Variants in TBC1D9 observed in about 807,000 individuals in gnomAD.
The protein encoded by TBC1D9 is TBC1 domain family member 9.
TBC1D9 carries 63 observed loss-of-function variants against 132.0 expected under a neutral mutation model. That is an observed-to-expected ratio of 0.48 (90% CI 0.39 to 0.59). The LOEUF (loss-of-function observed/expected upper bound fraction) is 0.59, where lower values mean the gene tolerates loss of function less well. Among genes scored for constraint, TBC1D9 ranks in the 20% least tolerant of loss-of-function variants. The probability of loss-of-function intolerance (pLI) is 0.00; values close to 1 mark genes in which losing one functional copy is unlikely to be tolerated. For missense variants in TBC1D9, 1,261 were observed against 1,592.7 expected (o/e 0.79, Z 3.54); for synonymous variants, 610 against 609.9 (o/e 1.00, Z 0.00).
chr4:140,657,808 T>A lies in TBC1D9; in HGVS notation c.1926A>T (p.Ala642=), dbSNP rs1190797006. ...PDYYNTRVVG[A]LVDQGVFEEL... is the part of the protein sequence containing the mutation. ...CCTCAAAGACACCTTGGTCCACCAG[T>A]GCACCTGTGGCAGCGATGTATACAA... The change falls in exon 12 of 21, where the codon GCA becomes GCT. Residue 642 remains alanine, a synonymous_variant. Coordinates refer to ENST00000442267, the MANE Select transcript of TBC1D9 (RefSeq NM_015130.3). 1 of 1,611,004 alleles carries A rather than the reference T, an allele frequency of 6.2e-7. No homozygotes were observed. Among genetic ancestry groups the A allele is most frequent in the African/African-American group, 1.3e-5 (1 of 74,960 alleles).
At chr4:140,648,867 C>T (rs544184773) in intron 13 of TBC1D9, among the ~76,000 whole-genome samples, 1 of 152,164 alleles carries the variant, frequency 6.6e-6, no homozygotes, top group South Asian at 2.1e-4. Flanking sequence ...TCAGATAAAG[C>T]AATGAGGTAG....
chr4:140,643,579 G>T, intron 13 of TBC1D9: 1 of 880,854 alleles, frequency 1.1e-6, no homozygotes, highest in Non-Finnish European at 1.7e-6. Context: ...GGCTCGCTCA[G>T]GGCCGCCTGG....
At chr4:140,741,846 T>G (rs887268189) in intron 1 of TBC1D9, among the ~76,000 whole-genome samples, 1 of 152,226 alleles carries the variant, frequency 6.6e-6, no homozygotes, top group African/African-American at 2.4e-5. Context: ...AACTCCTTTC[T>G]ATTGATTCCA....
chr4:140,697,586 G>T (rs1042645197), intron 2 of TBC1D9, among the ~76,000 whole-genome samples: 1 of 152,132 alleles, frequency 6.6e-6, no homozygotes, highest in Admixed American at 6.5e-5. Flanking sequence ...CATCTCTTTG[G>T]ACAATAATTT....
chr4:140,723,641 C>T (rs1283956757), intron 1 of TBC1D9, among the ~76,000 whole-genome samples: 1 of 152,002 alleles, frequency 6.6e-6, no homozygotes, highest in Non-Finnish European at 1.5e-5. Flanking sequence ...GCCTACTTCC[C>T]AGTCTTTAAC....
chr4:140,635,107 G>T lies in TBC1D9; in HGVS notation c.2506-919C>A, dbSNP rs181154806. On this transcript the variant is annotated intron_variant, in intron 15 of 20. Coordinates refer to ENST00000442267, the MANE Select transcript of TBC1D9 (RefSeq NM_015130.3). ...GAGAAAGGAGGAGCATAAAAAGGAG[G>T]ACTTCGTTTTTACTTTTTCCATATT... is the stretch of plus-strand genomic sequence containing the variant. Among the ~76,000 whole-genome samples the T allele has an allele frequency of 9.9e-5, 15 of 152,102 alleles. No individual in the cohort carries two copies. The East Asian group carries it at 2.7e-3, about 27-fold the overall frequency.
At chr4:140,680,839 T>G (rs1337044688) in intron 3 of TBC1D9, among the ~76,000 whole-genome samples, 1 of 152,184 alleles carries the variant, frequency 6.6e-6, no homozygotes, top group African/African-American at 2.4e-5. Flanking sequence ...TAGTGCATCC[T>G]TGATGCTCCC....
intron 13 of TBC1D9, chr4:140,642,275 G>C (rs1737013603): frequency 1.4e-6 from 1 of 707,240 alleles, no homozygotes; most frequent in African/African-American, 1.8e-5. Context: ...TGCTCACTTC[G>C]GAGGCAAACG....
chr4:140,624,628 T>G (rs548403311), intron 18 of TBC1D9, among the ~76,000 whole-genome samples: 2 of 152,368 alleles, frequency 1.3e-5, no homozygotes, highest in South Asian at 4.1e-4. Context: ...ATACTTATAC[T>G]AAGAAAATTA....
Position 140,622,221 on chromosome 4 carries a change from A to T in TBC1D9, c.3775T>A (p.Tyr1259Asn). ...MGKPLTSASDYEISAMSG is the reference protein window; with the variant it reads ...MGKPLTSASDNEISAMSG The stretch of plus-strand genomic sequence containing the variant: ...CAGCCGGACATGGCCGAGATTTCAT[A>T]GTCACTGGCCGAGGTGAGGGGCTTG... Residue 1259 changes from tyrosine (Y) to asparagine (N), a missense_variant, in exon 21 of 21, where the codon TAT (tyrosine) becomes AAT (asparagine). Coordinates refer to ENST00000442267, the MANE Select transcript of TBC1D9 (RefSeq NM_015130.3). The T allele has an allele frequency of 6.3e-7, 1 of 1,586,988 alleles. No homozygotes were observed. The highest frequency in any genetic ancestry group is 8.6e-7 in the Non-Finnish European group (1 of 1,157,976).
chr4:140,715,200 G>A (rs966547400), intron 1 of TBC1D9, among the ~76,000 whole-genome samples: 1 of 152,098 alleles, frequency 6.6e-6, no homozygotes, highest in African/African-American at 2.4e-5. Context: ...TATTAATACT[G>A]GTCAGTTGTG....
At position 140,687,341 on chromosome 4, in the gene TBC1D9, G is replaced by C. The variant is rs1317733642; in HGVS notation, c.242-879C>G. On this transcript the variant is annotated intron_variant, in intron 2 of 20. Transcript: ENST00000442267. ...TATATATGTGTGTGTGTGTGTGTGT[G>C]TCATATATATATATATATATATATA... Among the ~76,000 whole-genome samples, 5 of 91,068 alleles carry C rather than the reference G, an allele frequency of 5.5e-5. No homozygotes were observed. In the South Asian group the frequency reaches 1.4e-3, roughly 25 times the overall value. 59.7% of individuals were successfully genotyped at this position (91,068 alleles called of 152,430 possible).
Position 140,756,134 on chromosome 4 carries a change from C to A in TBC1D9, c.-89G>T. The A allele has an allele frequency of 9.0e-7, 1 of 1,106,248 alleles. No individual in the cohort carries two copies. Among genetic ancestry groups the A allele is most frequent in the South Asian group, 2.5e-5 (1 of 39,540 alleles). 68.5% of individuals were successfully genotyped at this position (1,106,248 alleles called of 1,614,324 possible). ...CGACAGGCGCGCACTCCTGGGCACA[C>A]GCGCGCCCGCCCGCCCGTCCGCTAG... On this transcript the variant is annotated 5_prime_UTR_variant, in exon 1 of 21. Transcript: ENST00000442267. The surrounding 1 kb of genome is among the most constrained non-coding windows in gnomAD (Gnocchi z 5.6).
chr4:140,639,764 A>G (rs1736950336), intron 13 of TBC1D9, among the ~76,000 whole-genome samples: 1 of 152,244 alleles, frequency 6.6e-6, no homozygotes, highest in African/African-American at 2.4e-5. Context: ...GAAAGGTCTA[A>G]GGCTAACAAT....
chr4:140,635,475 C>T (rs1264235806), intron 15 of TBC1D9, among the ~76,000 whole-genome samples: 3 of 152,078 alleles, frequency 2.0e-5, no homozygotes, highest in Admixed American at 2.0e-4. Flanking sequence ...GAGTGAGACC[C>T]TGTCTTAAAA....
intron 3 of TBC1D9, among the ~76,000 whole-genome samples, chr4:140,681,899 C>T (rs368941193): frequency 1.0e-3 from 152 of 152,276 alleles, no homozygotes; most frequent in African/African-American, 3.2e-3. Context: ...AGCATTCTCA[C>T]GTCTATGTTG....
At chr4:140,694,440 G>A (rs889638290) in intron 2 of TBC1D9, among the ~76,000 whole-genome samples, 22 of 151,964 alleles carry the variant, frequency 1.4e-4, no homozygotes, top group Middle Eastern at 3.4e-3. Context: ...GAGTGGTGGC[G>A]TACACCTGTA....
chr4:140,621,672 T>C lies in TBC1D9; in HGVS notation c.*523A>G, dbSNP rs2110958700. On this transcript the variant is annotated 3_prime_UTR_variant, in exon 21 of 21. Transcript: ENST00000442267. ...TTTTGAATAGAGGACTTCTATGAAA[T>C]ATATTTCAAATCTTAAAAATATTTT... is the stretch of plus-strand genomic sequence containing the variant. 1 of 152,382 alleles carries C rather than the reference T, an allele frequency of 6.6e-6. No homozygotes were observed. Among genetic ancestry groups the C allele is most frequent in the Admixed American group, 6.5e-5 (1 of 15,304 alleles). 9.4% of individuals were successfully genotyped at this position (152,382 alleles called of 1,614,324 possible).
chr4:140,726,496 C>T (rs1052150673), intron 1 of TBC1D9, among the ~76,000 whole-genome samples: 1 of 152,032 alleles, frequency 6.6e-6, no homozygotes, highest in Non-Finnish European at 1.5e-5. Context: ...GACATTCTCA[C>T]AACACCCCTA....
Sources: gnomAD v4.1 joint callset for allele counts (sites outside exome capture counted in the v4.1 genomes callset) on GRCh38, gnomAD v4.1.1 for gene constraint, Gnocchi (gnomAD v3.1) non-coding constraint, MANE v1.5 for transcripts, NCBI Gene and HGNC (gene_info 2026-07-23, HGNC 2026-07-21) for gene names.